The following CLNK variants were observed in gnomAD, a reference collection of about 807,000 sequenced individuals.
The protein encoded by CLNK is cytokine dependent hematopoietic cell linker.
Under a neutral mutation model 68.6 loss-of-function variants are expected in CLNK, and 74 were observed. The observed-to-expected ratio is 1.08, with a 90% CI of 0.89 to 1.31. The LOEUF is 1.31. Among genes scored for constraint, CLNK ranks in the 50% most tolerant of loss-of-function variants. CLNK has a pLI of 0.00. For synonymous variants in CLNK, 198 were observed against 172.2 expected (o/e 1.15, Z -1.17); for missense variants, 553 against 515.3 (o/e 1.07, Z -0.71).
chr4:10,654,824 C>T (rs61796834), intron 2 of CLNK, among the ~76,000 whole-genome samples: 6,297 of 152,098 alleles, frequency 0.041, 190 homozygotes, highest in Middle Eastern at 0.099. Context: ...ATTTCTCGGC[C>T]AGGCGTGGTG....
At chr4:10,733,251 C>T in the CLNK span, among the ~76,000 whole-genome samples, 1 of 152,132 alleles carries the variant, frequency 6.6e-6, no homozygotes, top group Non-Finnish European at 1.5e-5. Context: ...CCCATAAACC[C>T]TGTGCCACAA....
At chr4:10,500,634 C>G (rs1473819745) in intron 18 of CLNK, among the ~76,000 whole-genome samples, 2 of 149,854 alleles carry the variant, frequency 1.3e-5, no homozygotes, top group African/African-American at 4.9e-5. Context: ...GAGCCGAGAT[C>G]TGTACTCTGG....
chr4:10,719,507 A>G, the CLNK span, among the ~76,000 whole-genome samples: 1 of 152,128 alleles, frequency 6.6e-6, no homozygotes, highest in African/African-American at 2.4e-5. Flanking sequence ...CACTAAGAAG[A>G]CTTAACTGTC....
intron 2 of CLNK, among the ~76,000 whole-genome samples, chr4:10,613,592 A>G (rs563105614): frequency 6.6e-5 from 10 of 152,262 alleles, no homozygotes; most frequent in South Asian, 4.1e-4. Flanking sequence ...AAAGATAACA[A>G]TTATGACTCA....
chr4:10,497,917 C>T (rs965314482), intron 18 of CLNK, among the ~76,000 whole-genome samples: 19 of 152,362 alleles, frequency 1.2e-4, no homozygotes, highest in Non-Finnish European at 1.9e-4. Context: ...CTTTCCTGGC[C>T]GGGCGCAGTG....
At chr4:10,626,217 G>A (rs540369843) in intron 2 of CLNK, among the ~76,000 whole-genome samples, 14 of 152,338 alleles carry the variant, frequency 9.2e-5, no homozygotes, top group African/African-American at 2.9e-4. Context: ...CCCCATTGCT[G>A]CATCTGTGGA....
intron 2 of CLNK, among the ~76,000 whole-genome samples, chr4:10,643,578 C>G (rs1379524726): frequency 2.0e-5 from 3 of 152,232 alleles, no homozygotes; most frequent in Admixed American, 1.3e-4. Flanking sequence ...TGCAGCCACG[C>G]TCAGGCGCAT....
rs1716472727 is a variant in CLNK at position 10,489,448 on chromosome 4, T to G, written c.*1019A>C. On this transcript the variant is annotated 3_prime_UTR_variant, in exon 19 of 19. Transcript: ENST00000226951. ...GGCTAGTGTAGGATATAATCTGAGC[T>G]CTGTACTATGAATGTGTTAATTCCA... 6.6e-6 allele frequency: 1 copy of G among 152,112 alleles called. No homozygotes were observed. The highest frequency in any genetic ancestry group is 1.5e-5 in the Non-Finnish European group (1 of 68,042). The allele number at this position is 152,112 out of a possible 1,614,324, so 9.4% of individuals were successfully genotyped here. A position where few individuals can be genotyped will look rare whatever the true frequency, so the allele number is the denominator to read the frequency against.
intron 14 of CLNK, among the ~76,000 whole-genome samples, chr4:10,524,619 A>G (rs2108877): frequency 0.99 from 151,010 of 152,322 alleles, 74,875 homozygotes; most frequent in East Asian, 1. Flanking sequence ...CTTATGGGCA[A>G]CACTGGCTAC....
chr4:10,655,363 A>G (rs61796836), intron 2 of CLNK, among the ~76,000 whole-genome samples: 1 of 147,600 alleles, frequency 6.8e-6, no homozygotes, highest in South Asian at 2.2e-4. Flanking sequence ...AGAGAGAGAG[A>G]GAGAGAGAGA....
chr4:10,733,349 C>G, the CLNK span, among the ~76,000 whole-genome samples: 1,538 of 152,278 alleles, frequency 0.01, 32 homozygotes, highest in African/African-American at 0.035. Flanking sequence ...ACTGCCCGTT[C>G]AGATCTTGTC....
intron 1 of CLNK, among the ~76,000 whole-genome samples, chr4:10,676,792 C>T (rs536047946): frequency 7.9e-5 from 12 of 151,976 alleles, no homozygotes; most frequent in African/African-American, 2.2e-4. Flanking sequence ...TTTCCTTCCT[C>T]TATCCTTCAT....
the CLNK span, among the ~76,000 whole-genome samples, chr4:10,696,425 C>G: frequency 1.3e-5 from 2 of 152,198 alleles, no homozygotes; most frequent in African/African-American, 4.8e-5. Context: ...CTGAGCAACC[C>G]AATTGCTGCT....
the CLNK span, among the ~76,000 whole-genome samples, chr4:10,710,971 T>C: frequency 6.6e-6 from 1 of 152,216 alleles, no homozygotes; most frequent in African/African-American, 2.4e-5. Context: ...TGTTTCCTTT[T>C]GGGTTTGAGG....
At chr4:10,655,330 A>AAGAGAGAGAG (rs1577199914) in intron 2 of CLNK, among the ~76,000 whole-genome samples, 1 of 77,828 alleles carries the variant, frequency 1.3e-5, no homozygotes, top group Non-Finnish European at 2.8e-5. Flanking sequence ...AAAACCCCCA[A>AAGAGAGAGAG]AGACAGAGAG....
At chr4:10,592,638 G>C (rs568775986) in intron 3 of CLNK, among the ~76,000 whole-genome samples, 13 of 151,956 alleles carry the variant, frequency 8.6e-5, no homozygotes, top group Non-Finnish European at 1.0e-4. Flanking sequence ...GTTCTGCCTT[G>C]ATTCTTCCTT....
In CLNK at chr4:10,650,725, C is replaced by G. The variant is rs1339931121; in HGVS notation, c.11+17134G>C. Among the ~76,000 whole-genome samples the G allele has an allele frequency of 2.6e-5, 4 of 151,908 alleles. No individual in the cohort carries two copies. In the East Asian group the frequency reaches 7.7e-4, roughly 29 times the overall value. ...TATATGCTTTCATTTAAAAAAAATT[C>G]CAAATTTTGTTCTTCATACTGAAAA... On this transcript the variant is annotated intron_variant, in intron 2 of 18. Coordinates refer to ENST00000226951, the MANE Select transcript of CLNK (RefSeq NM_052964.4).
chr4:10,691,479 T>C, the CLNK span, among the ~76,000 whole-genome samples: 1 of 152,162 alleles, frequency 6.6e-6, no homozygotes, highest in African/African-American at 2.4e-5. Context: ...GTTCCAAATC[T>C]TTTTCCAGCT....
At chr4:10,694,184 C>A in the CLNK span, among the ~76,000 whole-genome samples, 1 of 151,506 alleles carries the variant, frequency 6.6e-6, no homozygotes, top group South Asian at 2.1e-4. Context: ...ATAAGTACAG[C>A]CAAATATACC....
Sources: gnomAD v4.1 joint callset for allele counts (sites outside exome capture counted in the v4.1 genomes callset) on GRCh38, gnomAD v4.1.1 for gene constraint, MANE v1.5 for transcripts, NCBI Gene and HGNC (gene_info 2026-07-23, HGNC 2026-07-21) for gene names.